MARCO: variants seen among roughly 807,000 people sequenced by gnomAD.
MARCO encodes macrophage receptor MARCO.
In MARCO, 72 loss-of-function variants were observed where a neutral mutation model predicts 70.0. That is an observed-to-expected ratio of 1.03 (90% CI 0.85 to 1.25). The LOEUF is 1.25. Ranked by LOEUF, MARCO falls within the 50% of genes most tolerant of loss-of-function variation. The probability of loss-of-function intolerance (pLI) is 0.00; values close to 1 mark genes in which losing one functional copy is unlikely to be tolerated. For synonymous variants in MARCO, 273 were observed against 243.1 expected (o/e 1.12, Z -1.14); for missense variants, 696 against 659.3 (o/e 1.06, Z -0.61).
At position 118,991,737 on chromosome 2, in the gene MARCO, A is replaced by G. The variant is rs779812944; in HGVS notation, c.1109-40A>G. 2.3e-6 allele frequency: 3 copies of G among 1,332,158 alleles called. No individual in the cohort carries two copies. The East Asian group carries it at 7.3e-5, about 33-fold the overall frequency. The allele number at this position is 1,332,158 out of a possible 1,614,324, so 82.5% of individuals were successfully genotyped here. A position where few individuals can be genotyped will look rare whatever the true frequency, so the allele number is the denominator to read the frequency against. On this transcript the variant is annotated intron_variant, in intron 13 of 16. Coordinates refer to ENST00000327097, the MANE Select transcript of MARCO (RefSeq NM_006770.4). The stretch of plus-strand genomic sequence containing the variant: ...GCCCTTGGGTCTCTCTTGGGAAGGC[A>G]AAGCAGGGCACCTGATCAGGGCAGT...
At position 118,961,708 on chromosome 2, in the gene MARCO, AG is replaced by A. The variant is rs1383231693; in HGVS notation, c.98-7451del. On this transcript the variant is annotated intron_variant, in intron 1 of 16. Transcript: ENST00000327097. ...ATGATAGTGTCTTTTGCTGTGCAAA[AG>A]CTCTTTAGTTTAATTAGATCCCATT... Among the ~76,000 whole-genome samples, 9 of 152,034 alleles carry A rather than the reference AG, an allele frequency of 5.9e-5. No individual in the cohort carries two copies. In the East Asian group the frequency reaches 1.2e-3, roughly 20 times the overall value.
intron 12 of MARCO, among the ~76,000 whole-genome samples, chr2:118,989,747 T>C (rs1680586563): frequency 6.6e-6 from 1 of 152,212 alleles, no homozygotes; most frequent in African/African-American, 2.4e-5. Flanking sequence ...ACTGTTGGTG[T>C]TCCCCTCATT....
At chr2:118,956,770 A>G (rs1463073750) in intron 1 of MARCO, among the ~76,000 whole-genome samples, 4 of 152,204 alleles carry the variant, frequency 2.6e-5, no homozygotes, top group Non-Finnish European at 5.9e-5. Context: ...TAAATTTAAG[A>G]AAATTGAAAT....
At chr2:118,970,418 G>T in intron 3 of MARCO, 80 bp downstream of exon 3, 1 of 1,138,934 alleles carries the variant, frequency 8.8e-7, no homozygotes, top group Non-Finnish European at 1.3e-6. Flanking sequence ...GGAAATTAAG[G>T]ACCCTGTCCA....
At chr2:118,993,375 C>A in intron 16 of MARCO, 75 bp downstream of exon 16, 1 of 1,438,576 alleles carries the variant, frequency 7.0e-7, no homozygotes, top group African/African-American at 1.4e-5. Flanking sequence ...GGGGTGTTGG[C>A]AAGTGACTCA....
rs750923582 is a variant in MARCO, at chr2:118,992,524, T to C, written c.1252+48T>C. On this transcript the variant is annotated intron_variant, in intron 15 of 16. Transcript: ENST00000327097. ...TTAATGTGTGCTTTAAAGTCAATTCTGCACCTGAAAATTGTGTGTGTTGGG... is the reference window on the plus strand; with the variant it reads ...TTAATGTGTGCTTTAAAGTCAATTCCGCACCTGAAAATTGTGTGTGTTGGG... 3 of 1,477,454 alleles carry C rather than the reference T, an allele frequency of 2.0e-6. No homozygotes were observed. The South Asian group carries it at 3.4e-5, about 17-fold the overall frequency. The allele number at this position is 1,477,454 out of a possible 1,614,324, so 91.5% of individuals were successfully genotyped here. A position where few individuals can be genotyped will look rare whatever the true frequency, so the allele number is the denominator to read the frequency against.
chr2:118,974,379 C>G lies in MARCO; in HGVS notation c.507C>G (p.Gly169=), dbSNP rs762403706. 6.2e-7 allele frequency: 1 copy of G among 1,610,174 alleles called. No homozygotes were observed. Among genetic ancestry groups the G allele is most frequent in the Non-Finnish European group, 8.5e-7 (1 of 1,178,590 alleles). Residue 169 remains glycine (G), a synonymous_variant, in exon 5 of 17, where the codon GGC becomes GGG. Transcript: ENST00000327097. ...CCATGGGCATGCCTGGTGCCCCTGG[C>G]CCGCCGGGACCACCTGCTGAGAAGG... ...KGAMGMPGAP[G]PPGPPAEKGA...
Position 118,990,775 on chromosome 2 carries a change from C to T in MARCO, c.1108+142C>T, listed in dbSNP as rs537889127. On this transcript the variant is annotated intron_variant, in intron 13 of 16. Transcript: ENST00000327097. ...GTTAAGACTCCAGGGCTCTGTCACTCAAGCCTCAGATTTCTCCGCTGCAAA... is the reference window on the plus strand; with the variant it reads ...GTTAAGACTCCAGGGCTCTGTCACTTAAGCCTCAGATTTCTCCGCTGCAAA... The T allele has an allele frequency of 1.9e-4, 146 of 779,406 alleles. 1 individual carries two copies. The highest frequency in any genetic ancestry group is 5.4e-4 in the South Asian group (30 of 55,736). The allele number at this position is 779,406 out of a possible 1,614,324, so 48.3% of individuals were successfully genotyped here.
intron 10 of MARCO, 95 bp from the exon 11 acceptor site, chr2:118,982,061 A>T: frequency 1.3e-6 from 1 of 787,614 alleles, no homozygotes; most frequent in Non-Finnish European, 2.1e-6. Context: ...GTTAAGAGGT[A>T]CATGTCTCAC....
At chr2:118,984,179 G>T (rs1680444818) in intron 12 of MARCO, among the ~76,000 whole-genome samples, 2 of 152,194 alleles carry the variant, frequency 1.3e-5, no homozygotes, top group Admixed American at 6.5e-5. Context: ...AGGGTGTGCT[G>T]ATGAGTGACA....
At chr2:118,980,036 A>G (rs533789293) in intron 8 of MARCO, among the ~76,000 whole-genome samples, 83 of 152,310 alleles carry the variant, frequency 5.4e-4, no homozygotes, top group African/African-American at 1.9e-3. Flanking sequence ...TCCCAAAGCC[A>G]TTCCCTTTGC....
At chr2:118,952,299 C>T (rs6747592) in intron 1 of MARCO, among the ~76,000 whole-genome samples, 26,121 of 152,070 alleles carry the variant, frequency 0.17, 3,046 homozygotes, top group African/African-American at 0.33. Flanking sequence ...CTCCCTTCCC[C>T]TCTCTGAAGG....
chr2:118,957,439 G>A (rs1679858735), intron 1 of MARCO, among the ~76,000 whole-genome samples: 3 of 151,988 alleles, frequency 2.0e-5, no homozygotes, highest in Admixed American at 2.0e-4. Flanking sequence ...CTTAAATCAG[G>A]AAGAATTAGA....
chr2:118,994,591 T>G lies in MARCO; in HGVS notation c.*71T>G. ...CATATGTGGGAAGGCAGAGGATCTCTGAGGAGTTCCCTGGGGACAACTGAG... is the reference window on the plus strand; with the variant it reads ...CATATGTGGGAAGGCAGAGGATCTCGGAGGAGTTCCCTGGGGACAACTGAG... On this transcript the variant is annotated 3_prime_UTR_variant, in exon 17 of 17. Coordinates refer to ENST00000327097, the MANE Select transcript of MARCO (RefSeq NM_006770.4). The G allele has an allele frequency of 1.3e-4, 180 of 1,425,788 alleles. No homozygotes were observed. The highest frequency in any genetic ancestry group is 1.6e-4 in the Non-Finnish European group (167 of 1,059,910). 88.3% of individuals were successfully genotyped at this position (1,425,788 alleles called of 1,614,324 possible). A position where few individuals can be genotyped will look rare whatever the true frequency, so the allele number is the denominator to read the frequency against.
At chr2:118,967,647 C>A (rs1680078759) in intron 1 of MARCO, among the ~76,000 whole-genome samples, 1 of 152,106 alleles carries the variant, frequency 6.6e-6, no homozygotes, top group Non-Finnish European at 1.5e-5. Context: ...CTCTGTGCTG[C>A]CAGAGCTACC....
rs149267512 is a variant in MARCO at position 118,990,723 on chromosome 2, C to G, written c.1108+90C>G. Reference sequence around the variant, plus strand: ...GCAGGTCTTGTTGACATTGAATGCACAGCTGTGACCTTCTCCCAAAGTGGA... The same window carrying G: ...GCAGGTCTTGTTGACATTGAATGCAGAGCTGTGACCTTCTCCCAAAGTGGA... On this transcript the variant is annotated intron_variant, in intron 13 of 16. Coordinates refer to ENST00000327097, the MANE Select transcript of MARCO (RefSeq NM_006770.4). 9.7e-4 allele frequency: 1,215 copies of G among 1,252,630 alleles called. 3 individuals carry two copies. Among genetic ancestry groups the G allele is most frequent in the Middle Eastern group, 1.7e-3 (9 of 5,326 alleles). 77.6% of individuals were successfully genotyped at this position (1,252,630 alleles called of 1,614,324 possible). A position where few individuals can be genotyped will look rare whatever the true frequency, so the allele number is the denominator to read the frequency against.
chr2:118,964,657 G>A (rs1489224350), intron 1 of MARCO, among the ~76,000 whole-genome samples: 1 of 152,094 alleles, frequency 6.6e-6, no homozygotes, highest in African/African-American at 2.4e-5. Flanking sequence ...GGAGGCTGAG[G>A]TGGGCGGATC....
intron 13 of MARCO, 123 bp from the exon 14 acceptor site, chr2:118,991,654 T>C: frequency 1.7e-6 from 1 of 588,550 alleles, no homozygotes; most frequent in South Asian, 2.3e-5. Context: ...AACATTCAGA[T>C]AGCCCAGCCA....
chr2:118,990,569 C>CGG lies in MARCO; in HGVS notation c.1064-20_1064-19insGG. 2.1e-6 allele frequency: 3 copies of CGG among 1,415,984 alleles called. No individual in the cohort carries two copies. Among genetic ancestry groups the CGG allele is most frequent in the Non-Finnish European group, 2.9e-6 (3 of 1,028,340 alleles). 87.7% of individuals were successfully genotyped at this position (1,415,984 alleles called of 1,614,324 possible). ...AGTTTTATTATCTCCTCCCCCCCCC[C>CGG]TTTTTTGTTTTGATCTTAGGACTTC... On this transcript the variant is annotated intron_variant, in intron 12 of 16. Transcript: ENST00000327097.
Sources: gnomAD v4.1 joint callset for allele counts (sites outside exome capture counted in the v4.1 genomes callset) on GRCh38, gnomAD v4.1.1 for gene constraint, MANE v1.5 for transcripts, NCBI Gene and HGNC (gene_info 2026-07-23, HGNC 2026-07-21) for gene names.